Variants in KRT6C observed in about 807,000 individuals in gnomAD.
The protein encoded by KRT6C is keratin 6C.
In KRT6C, 46 loss-of-function variants were observed where a neutral mutation model predicts 49.4. That is an observed-to-expected ratio of 0.93 (90% CI 0.74 to 1.19). The LOEUF is 1.19. Ranked by LOEUF, KRT6C falls within the 50% of genes most tolerant of loss-of-function variation. The pLI is 0.00. For missense variants in KRT6C, 552 were observed against 737.5 expected (o/e 0.75, Z 2.91); for synonymous variants, 236 against 297.1 (o/e 0.79, Z 2.12).
intron 7 of KRT6C, 71 bp downstream of exon 7, chr12:52,469,599 A>G: frequency 6.2e-7 from 1 of 1,613,452 alleles, no homozygotes. Flanking sequence ...AGTGCACCCT[A>G]GAATTGTGCT....
At chr12:52,470,293 T>C in intron 6 of KRT6C, 1 of 788,650 alleles carries the variant, frequency 1.3e-6, no homozygotes, top group Non-Finnish European at 2.1e-6. Flanking sequence ...TTTACCTGAC[T>C]GTTGAGACCT....
Position 52,470,584 on chromosome 12 carries a change from C to A in KRT6C, c.1124G>T (p.Arg375Leu), listed in dbSNP as rs761980436. ...CTCAGCAATCTCCTGCTTGGTGTTG[C>A]GCAGGTCGTCCCCATGTCTGCCTGC... ...VTAGRHGDDL[R>L]NTKQEIAEIN... Residue 375 changes from arginine (R) to leucine (L), a missense_variant, in exon 6 of 9, where the codon CGC becomes CTC. Coordinates refer to ENST00000252250, the MANE Select transcript of KRT6C (RefSeq NM_173086.5). 6.2e-7 allele frequency: 1 copy of A among 1,613,866 alleles called. No individual in the cohort carries two copies. The highest frequency in any genetic ancestry group is 1.3e-5 in the African/African-American group (1 of 74,852).
chr12:52,469,247 C>T lies in KRT6C; in HGVS notation c.1510G>A (p.Gly504Ser), dbSNP rs548540602. 75 of 1,613,868 alleles carry T rather than the reference C, an allele frequency of 4.6e-5. No homozygotes were observed. The highest frequency in any genetic ancestry group is 1.8e-4 in the East Asian group (8 of 44,870). The change falls in exon 9 of 9, where the codon GGC becomes AGC. Residue 504 changes from glycine (G) to serine (S), a missense_variant. Coordinates refer to ENST00000252250, the MANE Select transcript of KRT6C (RefSeq NM_173086.5). ...SSGYGGASGV[G>S]SGLGLGGGSS... ...CCTCCACCCAGGCCTAAGCCACTGC[C>T]GACACCGCTGGCACCGCCATAGCCA...
At chr12:52,471,055 C>T (rs1193823023) in intron 5 of KRT6C, 77 bp downstream of exon 5, 4 of 1,612,316 alleles carry the variant, frequency 2.5e-6, no homozygotes, top group Non-Finnish European at 2.5e-6. Flanking sequence ...AGGGGATGTC[C>T]CCAGTGAAGT....
chr12:52,471,216 G>C lies in KRT6C; in HGVS notation c.993C>G (p.Asp331Glu), dbSNP rs767075013. The C allele has an allele frequency of 3.1e-6, 5 of 1,614,092 alleles. No individual in the cohort carries two copies. Among genetic ancestry groups the C allele is most frequent in the Non-Finnish European group, 3.4e-6 (4 of 1,180,050 alleles). Residue 331 changes from aspartate to glutamate, a missense_variant, in exon 5 of 9, where the codon GAC becomes GAG. This residue lies in a region of KRT6C where 425 missense variants were observed against 439.4 expected (regional missense o/e 0.97). Coordinates refer to ENST00000252250, the MANE Select transcript of KRT6C (RefSeq NM_173086.5). ...GGGCCTTGACCTCAGCGATGATGCT[G>C]TCCAGGTCCAGGTTGCGGTTGTTGT... ...SMDNNRNLDL[D>E]SIIAEVKAQY...
At position 52,471,448 on chromosome 12, in the gene KRT6C, G is replaced by A; in HGVS notation, c.885C>T (p.Ile295=). Residue 295 remains isoleucine (I), a synonymous_variant, in exon 4 of 9, where the codon ATC becomes ATT. Transcript: ENST00000252250. ...CATCATACAAGGCTCTCAGGAAGTT[G>A]ATCTCATCTGTGAGAGTGTCTGCCT... The part of the protein sequence containing the change: ...QAKADTLTDE[I]NFLRALYDAE... 1 of 1,613,942 alleles carries A rather than the reference G, an allele frequency of 6.2e-7. No homozygotes were observed.
intron 5 of KRT6C, 44 bp from the exon 6 acceptor site, chr12:52,470,674 T>C: frequency 6.2e-7 from 1 of 1,613,634 alleles, no homozygotes; most frequent in Non-Finnish European, 8.5e-7. Flanking sequence ...TACGGGTTCT[T>C]ACCTGGGAGC....
intron 5 of KRT6C, among the ~76,000 whole-genome samples, chr12:52,470,924 C>T (rs1193986201): frequency 2.0e-5 from 3 of 152,174 alleles, no homozygotes; most frequent in Non-Finnish European, 4.4e-5. Context: ...ATGTCCTTGT[C>T]TATGGCAGCT....
At chr12:52,471,103 T>A (rs200387771) in intron 5 of KRT6C, 29 bp downstream of exon 5, 41 of 1,614,048 alleles carry the variant, frequency 2.5e-5, no homozygotes, top group Admixed American at 1.0e-4. Context: ...ACACAAGGAT[T>A]CCTCAGCAGC....
In KRT6C at chr12:52,471,872, T is replaced by G. The variant is rs1937892011; in HGVS notation, c.756-140A>C. 3.0e-6 allele frequency: 4 copies of G among 1,352,076 alleles called. No homozygotes were observed. The East Asian group carries it at 9.3e-5, about 32-fold the overall frequency. The allele number at this position is 1,352,076 out of a possible 1,614,324, so 83.8% of individuals were successfully genotyped here. A position where few individuals can be genotyped will look rare whatever the true frequency, so the allele number is the denominator to read the frequency against. ...CACAGAGAGCCAAAGAGATGAGTTT[T>G]GCTACTACTAAATTTGCCACTTCTT... On this transcript the variant is annotated intron_variant, in intron 2 of 8. Coordinates refer to ENST00000252250, the MANE Select transcript of KRT6C (RefSeq NM_173086.5).
intron 6 of KRT6C, 198 bp downstream of exon 6, chr12:52,470,307 C>A: frequency 1.1e-6 from 1 of 929,980 alleles, no homozygotes; most frequent in Non-Finnish European, 1.7e-6. Context: ...GAGACCTGGC[C>A]TTGCTTGTGC....
At position 52,471,922 on chromosome 12, in the gene KRT6C, A is replaced by G; in HGVS notation, c.755+144T>C. ...TTAATCCCCCCATCCTCCCATAACC[A>G]TCTGTGGTTCTTGCAGGTTTGCTCC... On this transcript the variant is annotated intron_variant, in intron 2 of 8. Transcript: ENST00000252250. 3.6e-6 allele frequency: 4 copies of G among 1,108,328 alleles called. No individual in the cohort carries two copies. In the South Asian group the frequency reaches 3.9e-5, roughly 11 times the overall value. The allele number at this position is 1,108,328 out of a possible 1,614,324, so 68.7% of individuals were successfully genotyped here. A position where few individuals can be genotyped will look rare whatever the true frequency, so the allele number is the denominator to read the frequency against.
intron 1 of KRT6C, 50 bp from the exon 2 acceptor site, chr12:52,472,330 AG>A (rs1937903131): frequency 7.3e-7 from 1 of 1,371,330 alleles, no homozygotes; most frequent in South Asian, 1.2e-5. Flanking sequence ...AGGAAGAAAA[AG>A]TGTCTGGTAT....
At position 52,469,926 on chromosome 12, in the gene KRT6C, TGCTCCTCCG is replaced by T; in HGVS notation, c.1204-45_1204-37del. ...AAAGGAAGAGAAGGAACTTCTTGTC[TGCTCCTCCG>T]GAGGAGGCTGGCCCTTGTTTAGTGA... On this transcript the variant is annotated intron_variant, in intron 6 of 8. Coordinates refer to ENST00000252250, the MANE Select transcript of KRT6C (RefSeq NM_173086.5). The T allele has an allele frequency of 2.5e-6, 4 of 1,611,504 alleles. No individual in the cohort carries two copies. The South Asian group carries it at 4.4e-5, about 18-fold the overall frequency.
intron 6 of KRT6C, 115 bp from the exon 7 acceptor site, chr12:52,470,005 TC>T: frequency 8.6e-7 from 1 of 1,166,054 alleles, no homozygotes; most frequent in Non-Finnish European, 1.3e-6. Context: ...GAGCTTTGAC[TC>T]TTCCTGTCCA....
In KRT6C at chr12:52,469,150, C is replaced by T. The variant is rs749545344; in HGVS notation, c.1607G>A (p.Gly536Glu). 1.2e-6 allele frequency: 2 copies of T among 1,614,040 alleles called. No homozygotes were observed. The highest frequency in any genetic ancestry group is 3.3e-5 in the Admixed American group (2 of 60,024). Residue 536 changes from glycine to glutamate, a missense_variant, in exon 9 of 9, where the codon GGG becomes GAG. Physicochemically the swap from Gly to Glu is moderately conservative, Grantham distance 98 (BLOSUM62 -2). Around this residue, in one of 3 missense-constraint regions of KRT6C, gnomAD observed 425 missense variants for 439.4 expected, o/e 0.97. Coordinates refer to ENST00000252250, the MANE Select transcript of KRT6C (RefSeq NM_173086.5). ...GFSSSSGRAI[G>E]GGLSSVGGGS... Reference sequence around the variant, plus strand: ...GCCTCCAACAGAGCTGAGGCCACCCCCAATGGCTCTGCCACTGCTGGAACT... The same window carrying T: ...GCCTCCAACAGAGCTGAGGCCACCCTCAATGGCTCTGCCACTGCTGGAACT...
In KRT6C at chr12:52,469,266, A is replaced by T. The variant is rs1408903294; in HGVS notation, c.1491T>A (p.Tyr497Ter). The change falls in exon 9 of 9, where the codon TAT (tyrosine) becomes TAA (stop). Residue 497 changes from tyrosine to a stop codon, truncating the protein, a stop_gained. Coordinates refer to ENST00000252250, the MANE Select transcript of KRT6C (RefSeq NM_173086.5). LOFTEE classifies it high-confidence loss of function. ...SVVQSTISSG[Y>*]GGASGVGSGL... The stretch of plus-strand genomic sequence containing the variant: ...CACTGCCGACACCGCTGGCACCGCC[A>T]TAGCCACTGGAGATGGTGGACTGTA... 1.2e-6 allele frequency: 2 copies of T among 1,613,882 alleles called. No individual in the cohort carries two copies. The highest frequency in any genetic ancestry group is 2.7e-5 in the African/African-American group (2 of 74,936).
At position 52,469,415 on chromosome 12, in the gene KRT6C, G is replaced by T; in HGVS notation, c.1455C>A (p.Asn485Lys). 1 of 1,613,988 alleles carries T rather than the reference G, an allele frequency of 6.2e-7. No individual in the cohort carries two copies. Among genetic ancestry groups the T allele is most frequent in the East Asian group, 2.2e-5 (1 of 44,868 alleles). Reference sequence around the variant, plus strand: ...AAGGCAAGCAAAGGTACTTACAGACGTTGACTTGTCCAACGCCTTCGCCAT... The same window carrying T: ...AAGGCAAGCAAAGGTACTTACAGACTTTGACTTGTCCAACGCCTTCGCCAT... ...RLNGEGVGQV[N>K]VSVVQSTISS... Residue 485 changes from asparagine (N) to lysine (K), a missense_variant, in exon 8 of 9, where the codon AAC (asparagine) becomes AAA (lysine). This residue lies in a region of KRT6C where 425 missense variants were observed against 439.4 expected (regional missense o/e 0.97). Transcript: ENST00000252250.
rs375678173 is a variant in KRT6C, at chr12:52,470,507, G to A, written c.1201C>T (p.Gln401Ter). 23 of 1,614,022 alleles carry A rather than the reference G, an allele frequency of 1.4e-5. No individual in the cohort carries two copies. Among genetic ancestry groups the A allele is most frequent in the Non-Finnish European group, 1.8e-5 (21 of 1,180,038 alleles). The change falls in exon 6 of 9, where the codon CAG becomes TAG. Residue 401 changes from glutamine (Q) to a stop codon, truncating the protein, a stop_gained and splice_region_variant. Transcript: ENST00000252250. LOFTEE classifies it high-confidence loss of function. ...TCCTCCACTGCACCTCACTGTACCT[G>A]CTTCTTGACATGGTCGATCTCAGAT... ...LRSEIDHVKK[Q>*]CASLQAAIAD...
Sources: allele counts gnomAD v4.1 joint callset (sites outside exome capture counted in the v4.1 genomes callset), GRCh38; gene constraint gnomAD v4.1.1; regional missense constraint gnomAD v4.1.1; transcripts MANE v1.5; gene names NCBI Gene and HGNC (gene_info 2026-07-23, HGNC 2026-07-21).